STK39: variants seen among roughly 807,000 people sequenced by gnomAD.
STK39 encodes the protein STE20/SPS1-related proline-alanine-rich protein kinase.
Under a neutral mutation model 77.8 loss-of-function variants are expected in STK39, and 20 were observed. That is an observed-to-expected ratio of 0.26 (90% CI 0.18 to 0.37). STK39 has a LOEUF of 0.37. Ranked by LOEUF, STK39 falls within the 10% of genes least tolerant of loss-of-function variation. The pLI is 1.00. For missense variants in STK39, 479 were observed against 656.5 expected, an observed-to-expected ratio of 0.73 and a Z score of 2.95; for synonymous variants, 246 against 234.1, an observed-to-expected ratio of 1.05 and a Z score of -0.47.
intron 1 of STK39, among the ~76,000 whole-genome samples, chr2:168,202,805 A>G (rs1178440421): frequency 1.3e-5 from 2 of 152,220 alleles, no homozygotes; most frequent in African/African-American, 4.8e-5. Context: ...AATAAATTTT[A>G]AAAGTGAACT....
intron 16 of STK39, among the ~76,000 whole-genome samples, chr2:168,000,101 G>A (rs550664350): frequency 4.6e-5 from 7 of 152,292 alleles, no homozygotes; most frequent in South Asian, 2.1e-4. Context: ...AGGGAAATAC[G>A]TGTTATTACT....
intron 12 of STK39, among the ~76,000 whole-genome samples, chr2:168,073,653 C>T (rs539925323): frequency 1.6e-4 from 24 of 152,170 alleles, no homozygotes; most frequent in African/African-American, 5.3e-4. Flanking sequence ...TTCTGAGGTG[C>T]AGTCTGGCTC....
intron 16 of STK39, among the ~76,000 whole-genome samples, chr2:168,000,952 T>A (rs1451045527): frequency 2.0e-5 from 3 of 152,184 alleles, no homozygotes; most frequent in Non-Finnish European, 2.9e-5. Flanking sequence ...AGGATAAAGA[T>A]TAAGGCATTA....
chr2:168,211,808 T>C (rs762449206), intron 1 of STK39, among the ~76,000 whole-genome samples: 2 of 152,180 alleles, frequency 1.3e-5, no homozygotes, highest in Non-Finnish European at 2.9e-5. Context: ...AGGGCGTTCA[T>C]GTATAAATTC....
At chr2:168,027,120 A>C (rs1000363332) in intron 14 of STK39, among the ~76,000 whole-genome samples, 2 of 152,164 alleles carry the variant, frequency 1.3e-5, no homozygotes, top group Non-Finnish European at 2.9e-5. Context: ...AGGGGAAAGG[A>C]AACAGTTTGT....
intron 14 of STK39, among the ~76,000 whole-genome samples, chr2:168,020,872 T>A (rs1684553111): frequency 1.3e-5 from 2 of 152,132 alleles, no homozygotes; most frequent in Non-Finnish European, 2.9e-5. Context: ...TTCCTTTAAC[T>A]TTTAAGAGAA....
chr2:167,966,250 A>C (rs1211203259), intron 16 of STK39, among the ~76,000 whole-genome samples: 1 of 152,186 alleles, frequency 6.6e-6, no homozygotes, highest in African/African-American at 2.4e-5. Flanking sequence ...TAGACACTAA[A>C]ATCATCAAGT....
In STK39 at chr2:168,063,539, T is replaced by A. The variant is rs1222614397; in HGVS notation, c.1337A>T (p.Glu446Val). Residue 446 changes from glutamate (E) to valine (V), a missense_variant, in exon 14 of 18, where the codon GAA becomes GTA. By Grantham distance (121) the Glu-to-Val change is moderately radical. This residue lies in a region of STK39 where 244 missense variants were observed against 296.8 expected (regional missense o/e 0.82). Coordinates refer to ENST00000355999, the MANE Select transcript of STK39 (RefSeq NM_013233.3). ...GPPNANEDYR[E>V]ASSCAVNLVL... Reference sequence around the variant, plus strand: ...GAGGTTCACGGCACAAGAAGAAGCTTCTCTGTAGTCTTCATTAGCATTGGG... The same window carrying A: ...GAGGTTCACGGCACAAGAAGAAGCTACTCTGTAGTCTTCATTAGCATTGGG... 1.2e-6 allele frequency: 2 copies of A among 1,613,230 alleles called. No homozygotes were observed. The highest frequency in any genetic ancestry group is 1.1e-5 in the South Asian group (1 of 90,972).
At chr2:168,015,840 G>T (rs181088302) in intron 15 of STK39, among the ~76,000 whole-genome samples, 164 of 152,254 alleles carry the variant, frequency 1.1e-3, no homozygotes, top group African/African-American at 3.7e-3. Context: ...ACACTAGCTG[G>T]TGCTGTACAA....
At position 168,076,679 on chromosome 2, in the gene STK39, AT is replaced by A. The variant is rs200523838; in HGVS notation, c.1090-1449del. 1.3e-4 allele frequency among the ~76,000 whole-genome samples: 19 copies of A among 151,548 alleles called. 1 individual carries two copies. Among genetic ancestry groups the A allele is most frequent in the African/African-American group, 3.1e-4 (13 of 41,352 alleles). On this transcript the variant is annotated intron_variant, in intron 10 of 17. Transcript: ENST00000355999. ...TTCATAATTGCAAATAGTTATGCTCATTTTTTTTTAAAAAAAGCTTTTTTCT... is the reference window on the plus strand; with the variant it reads ...TTCATAATTGCAAATAGTTATGCTCATTTTTTTTAAAAAAAGCTTTTTTCT...
chr2:168,228,966 T>C (rs1016820393), intron 1 of STK39, among the ~76,000 whole-genome samples: 1 of 152,204 alleles, frequency 6.6e-6, no homozygotes, highest in East Asian at 1.9e-4. Context: ...AACAGGTCAC[T>C]TAGCCTTTAA....
chr2:167,965,805 G>A (rs1395781098), intron 16 of STK39, among the ~76,000 whole-genome samples: 1 of 152,228 alleles, frequency 6.6e-6, no homozygotes, highest in Admixed American at 6.5e-5. Context: ...CAAGTATTTT[G>A]AGAAAAGTGT....
chr2:168,003,987 G>A (rs117003066), intron 16 of STK39, among the ~76,000 whole-genome samples: 365 of 152,302 alleles, frequency 2.4e-3, no homozygotes, highest in East Asian at 0.012. Context: ...AGTAAATTGT[G>A]GATCACTCAT....
At position 167,954,131 on chromosome 2, in the gene STK39, CTCTA is replaced by C. The variant is rs1691706585; in HGVS notation, c.*1361_*1364del. On this transcript the variant is annotated 3_prime_UTR_variant, in exon 18 of 18. Transcript: ENST00000355999. Reference sequence around the variant, plus strand: ...ATTACATTAAATTGTATGCAAATGGCTCTAGAACACCTTAACAATTATGACAAGG... The same window carrying C: ...ATTACATTAAATTGTATGCAAATGGCGAACACCTTAACAATTATGACAAGG... 1 of 152,604 alleles carries C rather than the reference CTCTA, an allele frequency of 6.6e-6. No individual in the cohort carries two copies. Among genetic ancestry groups the C allele is most frequent in the South Asian group, 2.1e-4 (1 of 4,828 alleles). 9.5% of individuals were successfully genotyped at this position (152,604 alleles called of 1,614,324 possible).
At chr2:168,021,652 C>A (rs1684574771) in intron 14 of STK39, among the ~76,000 whole-genome samples, 1 of 152,134 alleles carries the variant, frequency 6.6e-6, no homozygotes, top group Admixed American at 6.6e-5. Context: ...AGTTTCAACA[C>A]TCGGCTGCCT....
chr2:168,008,803 T>C (rs747778778), intron 16 of STK39, among the ~76,000 whole-genome samples: 2 of 152,038 alleles, frequency 1.3e-5, no homozygotes, highest in Non-Finnish European at 2.9e-5. Flanking sequence ...GGTGGAGACT[T>C]AAAACCAAGT....
chr2:168,042,577 C>CTTTTTTTTTTT (rs540413448), intron 14 of STK39, among the ~76,000 whole-genome samples: 2 of 133,046 alleles, frequency 1.5e-5, no homozygotes. Flanking sequence ...TTCCTTCCTT[C>CTTTTTTTTTTT]TTTTTTTTTT....
At chr2:168,045,529 A>G (rs956795727) in intron 14 of STK39, among the ~76,000 whole-genome samples, 2 of 152,178 alleles carry the variant, frequency 1.3e-5, no homozygotes, top group Admixed American at 1.3e-4. Context: ...ATTTTCTTAA[A>G]CCAAAATATA....
chr2:168,207,705 G>T (rs1312454715), intron 1 of STK39, among the ~76,000 whole-genome samples: 1 of 152,170 alleles, frequency 6.6e-6, no homozygotes. Flanking sequence ...TGATGCTAAT[G>T]GTTAACTAAA....
Sources: allele counts gnomAD v4.1 joint callset (sites outside exome capture counted in the v4.1 genomes callset), GRCh38; gene constraint gnomAD v4.1.1; regional missense constraint gnomAD v4.1.1; transcripts MANE v1.5; gene names NCBI Gene and HGNC (gene_info 2026-07-23, HGNC 2026-07-21).